The following FHDC1 variants were observed in gnomAD, a reference collection of about 807,000 sequenced individuals.
FHDC1 encodes FH2 domain-containing protein 1.
Under a neutral mutation model 52.6 loss-of-function variants are expected in FHDC1, and 25 were observed. The observed-to-expected ratio is 0.48, with a 90% CI of 0.35 to 0.66. The LOEUF (loss-of-function observed/expected upper bound fraction) is 0.66, where lower values mean the gene tolerates loss of function less well. FHDC1 is among the 30% of genes least tolerant of loss of function. The pLI is 0.01. For missense variants in FHDC1, 1,459 were observed against 1,452.8 expected, an observed-to-expected ratio of 1.00 and a Z score of -0.07; for synonymous variants, 616 against 581.5, an observed-to-expected ratio of 1.06 and a Z score of -0.85.
chr4:152,930,744 A>G, the FHDC1 span, among the ~76,000 whole-genome samples: 1 of 152,132 alleles, frequency 6.6e-6, no homozygotes, highest in Non-Finnish European at 1.5e-5. Context: ...GGACTGGTTT[A>G]TTATTTGCTA....
chr4:152,920,072 A>G, the FHDC1 span, among the ~76,000 whole-genome samples: 82 of 147,388 alleles, frequency 5.6e-4, no homozygotes, highest in African/African-American at 2.0e-3. Flanking sequence ...CTCAGCACCC[A>G]AGTAGCTGGG....
intron 8 of FHDC1, among the ~76,000 whole-genome samples, chr4:152,963,765 C>CTTTTTT (rs1561211172): frequency 2.0e-5 from 1 of 50,872 alleles, no homozygotes; most frequent in African/African-American, 7.1e-5. Context: ...CTATCCATTG[C>CTTTTTT]TTTGTTTTTT....
intron 6 of FHDC1, 84 bp downstream of exon 6, chr4:152,960,928 A>G: frequency 1.0e-6 from 1 of 980,722 alleles, no homozygotes; most frequent in Non-Finnish European, 1.5e-6. Flanking sequence ...GAAATTGGAC[A>G]TGGAAAGTCC....
rs2149965237 is a variant in FHDC1 at position 152,977,140 on chromosome 4, C to A, written c.*417C>A. The A allele has an allele frequency of 6.5e-6, 1 of 154,266 alleles. No homozygotes were observed. Among genetic ancestry groups the A allele is most frequent in the South Asian group, 2.0e-4 (1 of 4,892 alleles). 9.6% of individuals were successfully genotyped at this position (154,266 alleles called of 1,614,324 possible). A position where few individuals can be genotyped will look rare whatever the true frequency, so the allele number is the denominator to read the frequency against. On this transcript the variant is annotated 3_prime_UTR_variant, in exon 12 of 12. Transcript: ENST00000511601. ...AGGTGCAGTGGTTCATGCCTGTAAT[C>A]CAGCACTTTGGGAGGCTAAGATGAG...
chr4:152,921,331 A>C, the FHDC1 span, among the ~76,000 whole-genome samples: 2 of 152,090 alleles, frequency 1.3e-5, no homozygotes, highest in African/African-American at 4.8e-5. Flanking sequence ...CCATTATTTA[A>C]CTTAATATAA....
the FHDC1 span, among the ~76,000 whole-genome samples, chr4:152,924,711 G>A: frequency 2.0e-5 from 3 of 151,980 alleles, no homozygotes; most frequent in African/African-American, 7.3e-5. Flanking sequence ...TCATTTGTAG[G>A]GACATGGATG....
chr4:152,950,390 C>T (rs1739889498), intron 2 of FHDC1, among the ~76,000 whole-genome samples: 2 of 152,148 alleles, frequency 1.3e-5, no homozygotes, highest in South Asian at 2.1e-4. Flanking sequence ...ATGCCGGGAG[C>T]GAGTGGGACT....
chr4:152,913,689 A>ATTTT, the FHDC1 span, among the ~76,000 whole-genome samples: 13 of 151,470 alleles, frequency 8.6e-5, no homozygotes, highest in African/African-American at 3.2e-4. Flanking sequence ...TTATTTATTT[A>ATTTT]TTTTTTTTGA....
At chr4:152,915,359 C>T in the FHDC1 span, among the ~76,000 whole-genome samples, 3 of 152,214 alleles carry the variant, frequency 2.0e-5, no homozygotes, top group African/African-American at 7.2e-5. Flanking sequence ...CGTAATTCCT[C>T]CCGCATCGGC....
At position 152,976,167 on chromosome 4, in the gene FHDC1, G is replaced by T; in HGVS notation, c.2876G>T (p.Arg959Leu). The T allele has an allele frequency of 2.5e-6, 4 of 1,612,042 alleles. No individual in the cohort carries two copies. The highest frequency in any genetic ancestry group is 3.4e-6 in the Non-Finnish European group (4 of 1,179,562). Residue 959 changes from arginine (R) to leucine (L), a missense_variant, in exon 12 of 12, where the codon CGG becomes CTG. Coordinates refer to ENST00000511601, the MANE Select transcript of FHDC1 (RefSeq NM_001371116.1). Reference sequence around the variant, plus strand: ...GGCGCCGAAGAGCAGAGGCTGCCGCGGGGGAGCAGCGGCTCCAGCAGCACC... The same window carrying T: ...GGCGCCGAAGAGCAGAGGCTGCCGCTGGGGAGCAGCGGCTCCAGCAGCACC... ...STGAEEQRLPRGSSGSSSTRP... is the reference protein window; with the variant it reads ...STGAEEQRLPLGSSGSSSTRP...
chr4:152,948,093 T>C (rs1020700533), intron 2 of FHDC1, among the ~76,000 whole-genome samples: 5 of 152,114 alleles, frequency 3.3e-5, no homozygotes, highest in Admixed American at 6.5e-5. Flanking sequence ...CAATTTCCAA[T>C]TGACAGCCAA....
chr4:152,976,741 C>T lies in FHDC1; in HGVS notation c.*18C>T, dbSNP rs1740905287. ...GGAAGTGATGGGTGCCTGTCCTCTC[C>T]TGCCTCCTGGGATTCAGACGGTGAA... is the stretch of plus-strand genomic sequence containing the variant. On this transcript the variant is annotated 3_prime_UTR_variant, in exon 12 of 12. Coordinates refer to ENST00000511601, the MANE Select transcript of FHDC1 (RefSeq NM_001371116.1). The T allele has an allele frequency of 1.4e-6, 2 of 1,458,000 alleles. No homozygotes were observed. The highest frequency in any genetic ancestry group is 1.8e-6 in the Non-Finnish European group (2 of 1,101,524). 90.3% of individuals were successfully genotyped at this position (1,458,000 alleles called of 1,614,324 possible).
the FHDC1 span, among the ~76,000 whole-genome samples, chr4:152,922,314 T>G: frequency 6.6e-6 from 1 of 152,106 alleles, no homozygotes; most frequent in East Asian, 1.9e-4. Context: ...CAGGAAGAAG[T>G]TGAATCTCTG....
At chr4:152,936,880 C>A (rs968802514) in intron 1 of FHDC1, among the ~76,000 whole-genome samples, 2 of 152,276 alleles carry the variant, frequency 1.3e-5, no homozygotes, top group African/African-American at 4.8e-5. Flanking sequence ...GGTTCCCTAG[C>A]CAGCCGGGGG....
Position 152,975,077 on chromosome 4 carries a change from TC to T in FHDC1, c.1788del (p.Ser597AlafsTer57), listed in dbSNP as rs769369097. 1 of 1,612,490 alleles carries T rather than the reference TC, an allele frequency of 6.2e-7. No individual in the cohort carries two copies. Among genetic ancestry groups the T allele is most frequent in the South Asian group, 1.1e-5 (1 of 91,058 alleles). On this transcript the variant is annotated frameshift_variant, in exon 12 of 12. Transcript: ENST00000511601. LOFTEE classifies it low-confidence loss of function (END_TRUNC). ...LEPAEVRHQD[S>X]SFAHKPQASG... is the part of the protein sequence containing the mutation. ...GCCTGCAGAAGTGAGGCACCAGGAC[TC>T]CAGCTTTGCACACAAACCTCAGGCC...
chr4:152,955,711 C>G (rs1410679681), intron 4 of FHDC1, among the ~76,000 whole-genome samples: 1 of 152,218 alleles, frequency 6.6e-6, no homozygotes, highest in Non-Finnish European at 1.5e-5. Flanking sequence ...CTCTTGACAT[C>G]AAGTTATTCA....
intron 9 of FHDC1, 150 bp from the exon 10 acceptor site, chr4:152,967,830 A>G: frequency 1.7e-6 from 1 of 604,878 alleles, no homozygotes; most frequent in South Asian, 2.1e-5. Flanking sequence ...AGGAAACACA[A>G]AAGATCTAAA....
the FHDC1 span, among the ~76,000 whole-genome samples, chr4:152,915,455 A>AT: frequency 6.6e-6 from 1 of 152,244 alleles, no homozygotes; most frequent in East Asian, 1.9e-4. Flanking sequence ...ATGTATAAAA[A>AT]TTTGTTTTTT....
chr4:152,923,881 T>C, the FHDC1 span, among the ~76,000 whole-genome samples: 2 of 152,168 alleles, frequency 1.3e-5, no homozygotes, highest in African/African-American at 4.8e-5. Flanking sequence ...GACTTAAACA[T>C]TAGACCTAAA....
Sources: allele counts gnomAD v4.1 joint callset (sites outside exome capture counted in the v4.1 genomes callset), GRCh38; gene constraint gnomAD v4.1.1; transcripts MANE v1.5; gene names NCBI Gene and HGNC (gene_info 2026-07-23, HGNC 2026-07-21).